Variants in ECM2 observed in about 807,000 individuals in gnomAD.
ECM2 encodes extracellular matrix protein 2, female organ and adipocyte specific.
A neutral mutation model predicts 67.5 loss-of-function variants in ECM2; 57 were observed. The ratio of observed to expected loss-of-function variants is 0.84; its 90% confidence interval spans 0.68 to 1.05. The LOEUF is 1.05. Among genes scored for constraint, ECM2 ranks in the 50% least tolerant of loss-of-function variants. The pLI, the probability that ECM2 is intolerant of heterozygous loss-of-function variation, is 0.00. For missense variants in ECM2, 741 were observed against 822.8 expected, an observed-to-expected ratio of 0.90 and a Z score of 1.22; for synonymous variants, 258 against 294.5, an observed-to-expected ratio of 0.88 and a Z score of 1.27.
chr9:92,501,673 C>T (rs1294492809), intron 8 of ECM2, among the ~76,000 whole-genome samples: 1 of 152,202 alleles, frequency 6.6e-6, no homozygotes, highest in East Asian at 1.9e-4. Context: ...GCCCTCTTTT[C>T]ACCTGATGAA....
At chr9:92,538,940 T>TG (rs938092169), upstream of ECM2, 5 of 152,154 alleles carry the variant, frequency 3.3e-5, no homozygotes, top group Admixed American at 1.3e-4. Context: ...ACCAATAAAT[T>TG]GGGGTTTTTT....
chr9:92,522,428 C>A, intron 2 of ECM2, 147 bp downstream of exon 2: 1 of 963,356 alleles, frequency 1.0e-6, no homozygotes. Flanking sequence ...GTAGATTAAA[C>A]CAAAAAGTAA....
At chr9:92,534,389 A>G (rs73522338) in intron 1 of ECM2, among the ~76,000 whole-genome samples, 2,123 of 152,278 alleles carry the variant, frequency 0.014, 57 homozygotes, top group African/African-American at 0.048. Flanking sequence ...TAGTTAGTTC[A>G]TAGTCTGACT....
chr9:92,551,030 A>T, the ECM2 span, among the ~76,000 whole-genome samples: 1 of 152,186 alleles, frequency 6.6e-6, no homozygotes, highest in African/African-American at 2.4e-5. Context: ...AGGAATGCAT[A>T]AGCCCTGGAA....
At chr9:92,547,738 G>A in the ECM2 span, among the ~76,000 whole-genome samples, 3 of 152,132 alleles carry the variant, frequency 2.0e-5, no homozygotes, top group Non-Finnish European at 4.4e-5. Flanking sequence ...TAGTAGTGAT[G>A]GCCCTAACTA....
At chr9:92,515,228 A>G (rs1277501981) in intron 3 of ECM2, 25 bp from the exon 4 acceptor site, 23 of 1,497,748 alleles carry the variant, frequency 1.5e-5, no homozygotes, top group Admixed American at 2.4e-5. Context: ...AGGATGAGGT[A>G]GCAGAGATAA....
chr9:92,539,465 T>G (rs1849267322), upstream of ECM2, among the ~76,000 whole-genome samples: 1 of 151,534 alleles, frequency 6.6e-6, no homozygotes, highest in East Asian at 1.9e-4. Context: ...TAGTAAGGGC[T>G]CAGCTTAATT....
At chr9:92,543,572 G>C in the ECM2 span, among the ~76,000 whole-genome samples, 1 of 142,794 alleles carries the variant, frequency 7.0e-6, no homozygotes, top group Non-Finnish European at 1.5e-5. Flanking sequence ...TTTCTGTTAA[G>C]AATGACATTG....
At chr9:92,505,149 A>G (rs1367853246) in intron 7 of ECM2, among the ~76,000 whole-genome samples, 1 of 152,028 alleles carries the variant, frequency 6.6e-6, no homozygotes, top group Non-Finnish European at 1.5e-5. Flanking sequence ...GTGAGTGGAC[A>G]CTCTGTTACG....
At chr9:92,505,448 C>T (rs911529493) in intron 7 of ECM2, 85 bp downstream of exon 7, 1 of 1,203,208 alleles carries the variant, frequency 8.3e-7, no homozygotes, top group Non-Finnish European at 1.2e-6. Context: ...TAATTTACAT[C>T]ACAATAGTCT....
the ECM2 span, among the ~76,000 whole-genome samples, chr9:92,543,835 T>C: frequency 1.3e-5 from 2 of 152,202 alleles, no homozygotes; most frequent in Non-Finnish European, 2.9e-5. Flanking sequence ...TTCTTTTTCA[T>C]GTAGTTTAGT....
Position 92,514,723 on chromosome 9 carries a change from G to C in ECM2, c.962C>G (p.Ser321Cys), listed in dbSNP as rs1421727085. Residue 321 changes from serine to cysteine, a missense_variant, in exon 4 of 10, where the codon TCT becomes TGT. Physicochemically the swap from Ser to Cys is moderately radical, Grantham distance 112 (BLOSUM62 -1). Coordinates refer to ENST00000344604, the MANE Select transcript of ECM2 (RefSeq NM_001393.4). ...RGTLRLPSGC[S>C]LSYRTISCIN... ...GCAGCTGATGGTCCTGTAGGACAGA[G>C]AGCACCCGCTTGGCAGGCGCAGTGT... 6.2e-7 allele frequency: 1 copy of C among 1,607,836 alleles called. No individual in the cohort carries two copies. Among genetic ancestry groups the C allele is most frequent in the Non-Finnish European group, 8.5e-7 (1 of 1,174,432 alleles).
rs768257235 is a variant in ECM2 at position 92,522,781 on chromosome 9, T to C, written c.86A>G (p.Gln29Arg). Residue 29 changes from glutamine to arginine, a missense_variant, in exon 2 of 10, where the codon CAA (glutamine) becomes CGA (arginine). By Grantham distance (43) the Gln-to-Arg change is conservative. Transcript: ENST00000344604. ...FGKNEEIPRKQRRKIYHRRLR... is the reference protein window; with the variant it reads ...FGKNEEIPRKRRRKIYHRRLR... ...CCTTCTGTGGTAGATCTTCCTCCTT[T>C]GCTTCCTAGGAATTTCTTCATTTTT... 6.2e-7 allele frequency: 1 copy of C among 1,614,004 alleles called. No individual in the cohort carries two copies. Among genetic ancestry groups the C allele is most frequent in the Admixed American group, 1.7e-5 (1 of 60,014 alleles).
the ECM2 span, among the ~76,000 whole-genome samples, chr9:92,556,048 C>T: frequency 6.6e-6 from 1 of 152,104 alleles, no homozygotes. Context: ...TTCCTCTTAG[C>T]ACCACTTTGC....
the ECM2 span, among the ~76,000 whole-genome samples, chr9:92,546,594 G>A: frequency 3.4e-4 from 52 of 152,096 alleles, 1 homozygote; most frequent in African/African-American, 1.2e-3. Context: ...CCCACCAGAA[G>A]GAAAAAACTC....
the ECM2 span, among the ~76,000 whole-genome samples, chr9:92,557,008 C>T: frequency 2.0e-5 from 3 of 152,184 alleles, no homozygotes; most frequent in South Asian, 6.2e-4. Flanking sequence ...TTTAGCAGTT[C>T]TTGTAGTGGT....
the ECM2 span, among the ~76,000 whole-genome samples, chr9:92,550,685 A>G: frequency 1.3e-5 from 2 of 152,178 alleles, no homozygotes; most frequent in Non-Finnish European, 2.9e-5. Context: ...GAAGTTTCAC[A>G]TATGATATTC....
intron 1 of ECM2, among the ~76,000 whole-genome samples, chr9:92,524,564 A>C (rs185526973): frequency 5.9e-5 from 9 of 152,286 alleles, no homozygotes; most frequent in African/African-American, 2.2e-4. Context: ...TACAGCTGAG[A>C]AACACACACA....
chr9:92,502,444 C>T (rs1588190628), intron 8 of ECM2, 69 bp downstream of exon 8: 1 of 1,560,064 alleles, frequency 6.4e-7, no homozygotes, highest in South Asian at 1.1e-5. Context: ...TCCCAGTTTC[C>T]ATACTCTGTT....
Sources: gnomAD v4.1 joint callset for allele counts (sites outside exome capture counted in the v4.1 genomes callset) on GRCh38, gnomAD v4.1.1 for gene constraint, MANE v1.5 for transcripts, NCBI Gene and HGNC (gene_info 2026-07-23, HGNC 2026-07-21) for gene names.